The following NBAS variants were observed in gnomAD, a reference collection of about 807,000 sequenced individuals.
The protein encoded by NBAS is NAG/BC035112 fusion.
NBAS carries 219 observed loss-of-function variants against 302.5 expected under a neutral mutation model. That is an observed-to-expected ratio of 0.72 (90% CI 0.65 to 0.81). NBAS has a LOEUF of 0.81. Ranked by LOEUF, NBAS falls within the 30% of genes least tolerant of loss-of-function variation. The probability of loss-of-function intolerance (pLI) is 0.00; values close to 1 mark genes in which losing one functional copy is unlikely to be tolerated. For missense variants in NBAS, 2,932 were observed against 2,841.6 expected, an observed-to-expected ratio of 1.03 and a Z score of -0.72; for synonymous variants, 1,118 against 1,021.6, an observed-to-expected ratio of 1.09 and a Z score of -1.80.
chr2:14,780,115 G>GTGTTAACA, the NBAS span, among the ~76,000 whole-genome samples: 1 of 152,158 alleles, frequency 6.6e-6, no homozygotes, highest in Admixed American at 6.5e-5. Context: ...CAGACTAGTG[G>GTGTTAACA]TGTTAACACA....
intron 32 of NBAS, among the ~76,000 whole-genome samples, chr2:15,362,370 T>C (rs1572720194): frequency 7.0e-5 from 3 of 42,850 alleles, no homozygotes; most frequent in South Asian, 7.2e-4. Flanking sequence ...TAGCTGGGCA[T>C]GGTGGTACAT....
rs1044523946 is a variant in NBAS, at chr2:15,356,375, A to G, written c.3859T>C (p.Leu1287=). The change falls in exon 33 of 52, where the codon TTA becomes CTA. Residue 1287 remains leucine (L), a synonymous_variant. Transcript: ENST00000281513. ...EERRGQVLIL[L]VEQALRFHDY... is the part of the protein sequence containing the mutation. The stretch of plus-strand genomic sequence containing the variant: ...TGGAAGCGAAGTGCCTGCTCCACTA[A>G]AAGGATTAGAACCTGTCCCCGCCTT... 4.6e-5 allele frequency: 74 copies of G among 1,613,916 alleles called. No individual in the cohort carries two copies. Among genetic ancestry groups the G allele is most frequent in the Non-Finnish European group, 6.2e-5 (73 of 1,179,830 alleles).
Position 15,417,595 on chromosome 2 carries a change from C to T in NBAS, c.2695G>A (p.Val899Ile), listed in dbSNP as rs767892626. The change falls in exon 24 of 52, where the codon GTA (valine) becomes ATA (isoleucine). Residue 899 changes from valine to isoleucine, a missense_variant. Physicochemically the swap from Val to Ile is conservative, Grantham distance 29. Transcript: ENST00000281513. The stretch of plus-strand genomic sequence containing the variant: ...TGGAGTTCTTTCAGGGTTAGAGTTA[C>T]ATCACACCTGGCTTCATAAACCAAT... The part of the protein sequence containing the change: ...ETLVYEARCD[V>I]TLTLKELQQM... 1.2e-6 allele frequency: 2 copies of T among 1,613,988 alleles called. No individual in the cohort carries two copies. Among genetic ancestry groups the T allele is most frequent in the South Asian group, 1.1e-5 (1 of 91,072 alleles).
At chr2:15,450,704 A>T (rs1410004914) in intron 21 of NBAS, among the ~76,000 whole-genome samples, 1 of 152,166 alleles carries the variant, frequency 6.6e-6, no homozygotes, top group Non-Finnish European at 1.5e-5. Context: ...AATTTATATG[A>T]CTCACACATT....
At chr2:15,031,060 C>T in the NBAS span, among the ~76,000 whole-genome samples, 6 of 152,106 alleles carry the variant, frequency 3.9e-5, no homozygotes, top group Non-Finnish European at 5.9e-5. Context: ...CATTTGATTA[C>T]AAATATAAAA....
chr2:14,938,873 A>T, the NBAS span, among the ~76,000 whole-genome samples: 184 of 152,376 alleles, frequency 1.2e-3, 1 homozygote, highest in African/African-American at 3.5e-3. Flanking sequence ...ACTGTAGTTC[A>T]GTAGAAGACT....
At chr2:14,973,452 A>G in the NBAS span, among the ~76,000 whole-genome samples, 1 of 152,240 alleles carries the variant, frequency 6.6e-6, no homozygotes. Context: ...CTGGCTTTGA[A>G]TGTATGCATT....
At chr2:14,904,901 TAGC>T in the NBAS span, among the ~76,000 whole-genome samples, 8 of 151,596 alleles carry the variant, frequency 5.3e-5, no homozygotes, top group East Asian at 1.2e-3. Context: ...TACAAAAAAT[TAGC>T]CAGGCGCAGT....
the NBAS span, among the ~76,000 whole-genome samples, chr2:15,058,005 C>G: frequency 2.0e-5 from 3 of 152,186 alleles, no homozygotes; most frequent in Non-Finnish European, 4.4e-5. Flanking sequence ...GGAATGTAAA[C>G]TAGTACCACC....
chr2:15,439,056 G>A (rs1368041244), intron 21 of NBAS, among the ~76,000 whole-genome samples: 2 of 152,098 alleles, frequency 1.3e-5, no homozygotes, highest in African/African-American at 4.8e-5. Context: ...AGCACTTTGG[G>A]AGGCCGAGGC....
intron 9 of NBAS, among the ~76,000 whole-genome samples, chr2:15,526,113 G>A (rs1662900968): frequency 6.6e-6 from 1 of 152,098 alleles, no homozygotes; most frequent in African/African-American, 2.4e-5. Flanking sequence ...AAAACCTACA[G>A]AGCAAAGAGA....
chr2:15,173,679 A>C (rs1431530922), intron 51 of NBAS, among the ~76,000 whole-genome samples: 1 of 152,202 alleles, frequency 6.6e-6, no homozygotes, highest in Non-Finnish European at 1.5e-5. Flanking sequence ...TTCTGAAACC[A>C]AAACTATGAC....
At chr2:14,791,521 A>C in the NBAS span, among the ~76,000 whole-genome samples, 1 of 151,876 alleles carries the variant, frequency 6.6e-6, no homozygotes, top group Non-Finnish European at 1.5e-5. Flanking sequence ...AATGGGCATG[A>C]GGTTGGGAAC....
chr2:15,371,546 T>C (rs1014253775), intron 31 of NBAS, among the ~76,000 whole-genome samples: 1 of 152,224 alleles, frequency 6.6e-6, no homozygotes, highest in Non-Finnish European at 1.5e-5. Context: ...ATTTTATTAT[T>C]ATCCCAATCT....
chr2:14,869,501 T>G, the NBAS span, among the ~76,000 whole-genome samples: 4 of 152,312 alleles, frequency 2.6e-5, no homozygotes, highest in South Asian at 2.1e-4. Context: ...CCTTCTTTTA[T>G]GTTTTAATTT....
Position 15,275,779 on chromosome 2 carries a change from G to A in NBAS, c.5429C>T (p.Pro1810Leu), listed in dbSNP as rs1669549357. The A allele has an allele frequency of 1.9e-6, 3 of 1,613,936 alleles. No homozygotes were observed. The highest frequency in any genetic ancestry group is 2.5e-6 in the Non-Finnish European group (3 of 1,180,012). ...YKKLTDENMS[P>L]LEALEPVLSS... ...AAGAACTGGCTCCAATGCTTCAAGA[G>A]GACTCATGTTTTCATCTGTCAGCTT... The change falls in exon 44 of 52, where the codon CCT (proline) becomes CTT (leucine). Residue 1810 changes from proline (P) to leucine (L), a missense_variant. By Grantham distance (98) the Pro-to-Leu change is moderately conservative (BLOSUM62 -3). Transcript: ENST00000281513.
the NBAS span, among the ~76,000 whole-genome samples, chr2:15,041,602 T>C: frequency 6.6e-6 from 1 of 152,196 alleles, no homozygotes; most frequent in African/African-American, 2.4e-5. Context: ...AATGGTCCTG[T>C]GGCTCAGATG....
At chr2:15,332,148 C>T (rs957071956) in intron 35 of NBAS, among the ~76,000 whole-genome samples, 1 of 152,154 alleles carries the variant, frequency 6.6e-6, no homozygotes, top group African/African-American at 2.4e-5. Flanking sequence ...AGACCTCAGT[C>T]CTACAATCAT....
intron 49 of NBAS, among the ~76,000 whole-genome samples, chr2:15,189,562 ACCCAG>A (rs1665246812): frequency 1.5e-5 from 2 of 136,252 alleles, no homozygotes; most frequent in South Asian, 5.5e-4. Flanking sequence ...AGCTCATGAG[ACCCAG>A]TCCATGAGCT....
Sources: allele counts gnomAD v4.1 joint callset (sites outside exome capture counted in the v4.1 genomes callset), GRCh38; gene constraint gnomAD v4.1.1; transcripts MANE v1.5; gene names NCBI Gene and HGNC (gene_info 2026-07-23, HGNC 2026-07-21).